Variants in CNTN5 observed in about 807,000 individuals in gnomAD.
The protein encoded by CNTN5 is contactin 5, also known as contactin-5.
In CNTN5, 77 loss-of-function variants were observed where a neutral mutation model predicts 129.1. The ratio of observed to expected loss-of-function variants is 0.60; its 90% confidence interval spans 0.50 to 0.72. CNTN5 has a LOEUF of 0.72. CNTN5 is among the 30% of genes least tolerant of loss of function. The pLI, the probability that CNTN5 is intolerant of heterozygous loss-of-function variation, is 0.00. For missense variants in CNTN5, 1,478 were observed against 1,328.8 expected, an observed-to-expected ratio of 1.11 and a Z score of -1.75; for synonymous variants, 509 against 465.6, an observed-to-expected ratio of 1.09 and a Z score of -1.20.
intron 2 of CNTN5, among the ~76,000 whole-genome samples, chr11:99,387,381 G>C (rs1404399536): frequency 6.6e-6 from 1 of 152,090 alleles, no homozygotes; most frequent in African/African-American, 2.4e-5. Flanking sequence ...ATACTGAAAT[G>C]GTAGGAAATT....
intron 3 of CNTN5, among the ~76,000 whole-genome samples, chr11:99,778,559 G>A (rs1330254671): frequency 6.6e-6 from 1 of 151,628 alleles, no homozygotes; most frequent in Non-Finnish European, 1.5e-5. Context: ...GTGCCCTGTT[G>A]AATCCTGTCT....
intron 2 of CNTN5, among the ~76,000 whole-genome samples, chr11:99,508,457 G>A (rs1272379611): frequency 1.3e-5 from 2 of 152,048 alleles, no homozygotes; most frequent in Middle Eastern, 3.2e-3. Flanking sequence ...TGAGTACACC[G>A]ATGCAGAGCC....
chr11:99,771,603 T>G (rs745352013), intron 3 of CNTN5, among the ~76,000 whole-genome samples: 1 of 151,806 alleles, frequency 6.6e-6, no homozygotes, highest in Non-Finnish European at 1.5e-5. Flanking sequence ...AAAGTGAACT[T>G]GGAAAAGCAG....
chr11:99,160,253 G>A (rs944072429), intron 1 of CNTN5, among the ~76,000 whole-genome samples: 2 of 152,122 alleles, frequency 1.3e-5, no homozygotes, highest in African/African-American at 4.8e-5. Context: ...TTGATAATTT[G>A]GGAAATATAT....
chr11:99,623,342 T>C (rs1277098733), intron 3 of CNTN5, among the ~76,000 whole-genome samples: 1 of 152,124 alleles, frequency 6.6e-6, no homozygotes, highest in Non-Finnish European at 1.5e-5. Context: ...TCAAATTATA[T>C]GGTCAAGATA....
chr11:100,123,983 A>G (rs571410643), intron 13 of CNTN5, among the ~76,000 whole-genome samples: 1 of 152,174 alleles, frequency 6.6e-6, no homozygotes, highest in African/African-American at 2.4e-5. Flanking sequence ...TCTTTAGGGT[A>G]TATCAAATGG....
intron 1 of CNTN5, among the ~76,000 whole-genome samples, chr11:99,093,541 T>A (rs1940492): frequency 1.3e-5 from 2 of 151,386 alleles, no homozygotes; most frequent in African/African-American, 2.4e-5. Flanking sequence ...ACATTAAATG[T>A]GACCCATGTT....
chr11:100,177,199 T>C (rs771942708), intron 13 of CNTN5, among the ~76,000 whole-genome samples: 5 of 152,006 alleles, frequency 3.3e-5, no homozygotes, highest in Admixed American at 6.6e-5. Context: ...TTTTACCTAT[T>C]CCCCTCCCAA....
chr11:100,306,296 A>T (rs1951348332), intron 20 of CNTN5, among the ~76,000 whole-genome samples: 1 of 151,610 alleles, frequency 6.6e-6, no homozygotes, highest in South Asian at 2.1e-4. Context: ...TAAACTTTCT[A>T]TTTGAGAAAT....
intron 21 of CNTN5, among the ~76,000 whole-genome samples, chr11:100,328,182 C>T (rs767605785): frequency 1.2e-4 from 13 of 109,830 alleles, no homozygotes; most frequent in Non-Finnish European, 2.2e-4. Context: ...GAGACCATGT[C>T]GCTACCAAAA....
chr11:99,174,290 G>C (rs977718106), intron 1 of CNTN5, among the ~76,000 whole-genome samples: 1 of 152,008 alleles, frequency 6.6e-6, no homozygotes, highest in Non-Finnish European at 1.5e-5. Flanking sequence ...TGAGGACTAC[G>C]CCCAGCGAGA....
intron 2 of CNTN5, among the ~76,000 whole-genome samples, chr11:99,479,208 A>G (rs899212367): frequency 6.6e-6 from 1 of 151,828 alleles, no homozygotes; most frequent in African/African-American, 2.4e-5. Flanking sequence ...GACTGTGAAT[A>G]TTGATAACAC....
intron 1 of CNTN5, among the ~76,000 whole-genome samples, chr11:99,274,289 C>CTAA (rs1430121823): frequency 6.6e-6 from 1 of 151,740 alleles, no homozygotes; most frequent in Non-Finnish European, 1.5e-5. Flanking sequence ...GTGACAGAAG[C>CTAA]TAATCTCAAA....
intron 9 of CNTN5, among the ~76,000 whole-genome samples, chr11:100,047,413 T>C (rs1018302232): frequency 1.3e-5 from 2 of 152,132 alleles, no homozygotes; most frequent in African/African-American, 2.4e-5. Flanking sequence ...ATTAGCTGCA[T>C]GCCAGAAAAA....
At chr11:99,448,291 T>C (rs938576606) in intron 2 of CNTN5, among the ~76,000 whole-genome samples, 4 of 152,132 alleles carry the variant, frequency 2.6e-5, no homozygotes, top group African/African-American at 9.7e-5. Context: ...GTATAGTACC[T>C]ACAGAAAAGC....
intron 13 of CNTN5, among the ~76,000 whole-genome samples, chr11:100,171,884 A>G (rs1947838346): frequency 6.6e-6 from 1 of 152,054 alleles, no homozygotes. Context: ...AAAAAATGTT[A>G]TAAATACGTT....
In CNTN5 at chr11:99,459,608, A is replaced by C. The variant is rs566928314; in HGVS notation, c.-70-96537A>C. Among the ~76,000 whole-genome samples, 3 of 152,154 alleles carry C rather than the reference A, an allele frequency of 2.0e-5. No individual in the cohort carries two copies. In the South Asian group the frequency reaches 6.2e-4, roughly 31 times the overall value. On this transcript the variant is annotated intron_variant, in intron 2 of 24. Coordinates refer to ENST00000524871, the MANE Select transcript of CNTN5 (RefSeq NM_014361.4). ...GTGTTACAAAATAAAGCATGAAATG[A>C]TATGAACTCAAGACTTCAGGAATAT... is the stretch of plus-strand genomic sequence containing the variant.
rs66468227 is a variant in CNTN5, at chr11:100,127,651, CTTTTTTT to C, written c.1580+53375_1580+53381del. 3.2e-4 allele frequency among the ~76,000 whole-genome samples: 26 copies of C among 81,290 alleles called. No homozygotes were observed. In the East Asian group the frequency reaches 6.4e-3, roughly 20 times the overall value. 53.3% of individuals were successfully genotyped at this position (81,290 alleles called of 152,430 possible). A position where few individuals can be genotyped will look rare whatever the true frequency, so the allele number is the denominator to read the frequency against. On this transcript the variant is annotated intron_variant, in intron 13 of 24. Transcript: ENST00000524871. ...ACAGACTTTCTGACTTTCTTTCTTT[CTTTTTTT>C]TTTTTTTTTTTTTTTTTGAGATGGA...
chr11:99,850,047 A>G (rs974449136), intron 6 of CNTN5, among the ~76,000 whole-genome samples: 11 of 152,160 alleles, frequency 7.2e-5, no homozygotes, highest in South Asian at 4.1e-4. Flanking sequence ...TAAGCATGCA[A>G]TCATAGTGTT....
Sources: allele counts gnomAD v4.1 joint callset (sites outside exome capture counted in the v4.1 genomes callset), GRCh38; gene constraint gnomAD v4.1.1; transcripts MANE v1.5; gene names NCBI Gene and HGNC (gene_info 2026-07-23, HGNC 2026-07-21).